Variants in PHIP observed in about 807,000 individuals in gnomAD.
PHIP encodes PHIP subunit of CUL4-Ring ligase complex.
Under a neutral mutation model 236.8 loss-of-function variants are expected in PHIP, and 54 were observed. That is an observed-to-expected ratio of 0.23 (90% CI 0.18 to 0.29). The LOEUF is 0.29. PHIP is among the 10% of genes least tolerant of loss of function. PHIP has a pLI of 1.00. For synonymous variants in PHIP, 756 were observed against 718.9 expected (o/e 1.05, Z -0.83); for missense variants, 1,370 against 2,190.8 (o/e 0.63, Z 7.48).
At chr6:78,985,755 T>C (rs939401373) in intron 21 of PHIP, among the ~76,000 whole-genome samples, 3 of 152,146 alleles carry the variant, frequency 2.0e-5, no homozygotes, top group Non-Finnish European at 4.4e-5. Context: ...AGGCACGGAA[T>C]TGCTTGAACC....
chr6:79,078,006 GCCCCGGCAGCCCC>G lies in PHIP; in HGVS notation c.40+10_40+22del. 2.5e-6 allele frequency: 4 copies of G among 1,607,698 alleles called. No homozygotes were observed. Among genetic ancestry groups the G allele is most frequent in the Non-Finnish European group, 3.4e-6 (4 of 1,178,642 alleles). On this transcript the variant is annotated intron_variant, in intron 1 of 39. Transcript: ENST00000275034. Reference sequence around the variant, plus strand: ...CGGGCGGAATCGCCCGGTGCCAGCGGCCCCGGCAGCCCCCCGACTTACCCGATCGCAGCTCCGA... The same window carrying G: ...CGGGCGGAATCGCCCGGTGCCAGCGGCCGACTTACCCGATCGCAGCTCCGA...
At chr6:79,033,902 T>A (rs952120053) in intron 7 of PHIP, among the ~76,000 whole-genome samples, 5 of 152,118 alleles carry the variant, frequency 3.3e-5, no homozygotes, top group African/African-American at 1.2e-4. Context: ...CATTGTAGGG[T>A]TATTAATTGG....
At chr6:79,017,279 T>C in intron 12 of PHIP, 67 bp downstream of exon 12, 1 of 948,672 alleles carries the variant, frequency 1.1e-6, no homozygotes, top group Non-Finnish European at 1.6e-6. Context: ...TCAAATAAAA[T>C]CTGATGACTA....
intron 31 of PHIP, among the ~76,000 whole-genome samples, chr6:78,959,931 T>A (rs1766669413): frequency 6.6e-6 from 1 of 152,118 alleles, no homozygotes; most frequent in South Asian, 2.1e-4. Context: ...TCAAATGTGC[T>A]CAGAACACTG....
chr6:79,039,512 CAATATT>C (rs1379980182), intron 7 of PHIP, among the ~76,000 whole-genome samples: 1 of 152,104 alleles, frequency 6.6e-6, no homozygotes, highest in Non-Finnish European at 1.5e-5. Context: ...CACATTATAT[CAATATT>C]GTTTGTTTAC....
At chr6:78,973,365 C>A (rs1767765421) in intron 24 of PHIP, among the ~76,000 whole-genome samples, 1 of 150,626 alleles carries the variant, frequency 6.6e-6, no homozygotes, top group Admixed American at 6.6e-5. Flanking sequence ...CCTACAAGAG[C>A]TCCTGAAGGA....
At position 79,058,855 on chromosome 6, in the gene PHIP, T is replaced by C. The variant is rs142835537; in HGVS notation, c.439+1623A>G. ...GTGTTCTCCTTATTATGTGGATCTATAGTTTTTCAAAGACAGGATAAACTT... is the reference window on the plus strand; with the variant it reads ...GTGTTCTCCTTATTATGTGGATCTACAGTTTTTCAAAGACAGGATAAACTT... On this transcript the variant is annotated intron_variant, in intron 6 of 39. Transcript: ENST00000275034. Among the ~76,000 whole-genome samples, 44 of 152,212 alleles carry C rather than the reference T, an allele frequency of 2.9e-4. No individual in the cohort carries two copies. The East Asian group carries it at 7.3e-3, about 25-fold the overall frequency.
intron 7 of PHIP, among the ~76,000 whole-genome samples, chr6:79,041,854 T>A (rs1042204232): frequency 6.6e-6 from 1 of 152,090 alleles, no homozygotes; most frequent in African/African-American, 2.4e-5. Flanking sequence ...AATGCATTCC[T>A]ACATCCTGCT....
At chr6:78,983,148 A>G in intron 22 of PHIP, 31 bp from the exon 23 acceptor site, 1 of 1,152,358 alleles carries the variant, frequency 8.7e-7, no homozygotes, top group African/African-American at 1.6e-5. Context: ...ATTAGATAAC[A>G]CACAAGATAA....
At chr6:79,022,271 G>C (rs1256898175) in intron 9 of PHIP, among the ~76,000 whole-genome samples, 1 of 152,166 alleles carries the variant, frequency 6.6e-6, no homozygotes, top group African/African-American at 2.4e-5. Flanking sequence ...AATTAAATGA[G>C]TGTGATACAT....
intron 6 of PHIP, among the ~76,000 whole-genome samples, chr6:79,046,434 T>C (rs1368011218): frequency 2.0e-5 from 3 of 152,334 alleles, no homozygotes; most frequent in African/African-American, 7.2e-5. Context: ...CAGACCTATT[T>C]AATTATTTAT....
rs1434273556 is a variant in PHIP at position 78,937,315 on chromosome 6, G to A, written c.*3378C>T. The A allele has an allele frequency of 6.6e-6, 1 of 151,618 alleles. No individual in the cohort carries two copies. Among genetic ancestry groups the A allele is most frequent in the Middle Eastern group, 3.2e-3 (1 of 316 alleles). The allele number at this position is 151,618 out of a possible 1,614,324, so 9.4% of individuals were successfully genotyped here. A position where few individuals can be genotyped will look rare whatever the true frequency, so the allele number is the denominator to read the frequency against. On this transcript the variant is annotated 3_prime_UTR_variant, in exon 40 of 40. Coordinates refer to ENST00000275034, the MANE Select transcript of PHIP (RefSeq NM_017934.7). ...GAATTGAAGTAAACATTGTTAACTG[G>A]AGAAATTAATTTATATTACAAATCA... is the stretch of plus-strand genomic sequence containing the variant.
chr6:79,063,987 T>C lies in PHIP; in HGVS notation c.190-3169A>G, dbSNP rs556176464. On this transcript the variant is annotated intron_variant, in intron 4 of 39. Transcript: ENST00000275034. ...TCCCAAGAATCCTCTTCCCCACCCC[T>C]CATTTTCTCAGCAGATGACCTAACC... Among the ~76,000 whole-genome samples, 48 of 151,516 alleles carry C rather than the reference T, an allele frequency of 3.2e-4. No individual in the cohort carries two copies. The East Asian group carries it at 9.2e-3, about 29-fold the overall frequency.
chr6:79,069,096 T>G (rs1294520311), intron 4 of PHIP, among the ~76,000 whole-genome samples: 1 of 151,282 alleles, frequency 6.6e-6, no homozygotes, highest in Non-Finnish European at 1.5e-5. Context: ...TTTATTGGAA[T>G]ATAGTTCTTA....
At chr6:79,024,895 T>C (rs1379606903) in intron 9 of PHIP, among the ~76,000 whole-genome samples, 1 of 152,208 alleles carries the variant, frequency 6.6e-6, no homozygotes, top group Non-Finnish European at 1.5e-5. Flanking sequence ...TTGCCAATTT[T>C]TAAACATAGT....
At chr6:78,996,508 C>T (rs981694488) in intron 19 of PHIP, among the ~76,000 whole-genome samples, 6 of 151,948 alleles carry the variant, frequency 3.9e-5, no homozygotes, top group Non-Finnish European at 8.8e-5. Flanking sequence ...CCTTTCAAAC[C>T]TTAACATTAG....
chr6:78,955,507 T>C, intron 33 of PHIP, 106 bp downstream of exon 33: 1 of 562,150 alleles, frequency 1.8e-6, no homozygotes, highest in Non-Finnish European at 3.2e-6. Flanking sequence ...TTAACTACAC[T>C]AGACAAAAAA....
chr6:78,968,566 C>T (rs2127703694), intron 27 of PHIP, among the ~76,000 whole-genome samples: 1 of 152,248 alleles, frequency 6.6e-6, no homozygotes, highest in East Asian at 1.9e-4. Flanking sequence ...GAAGTAATTC[C>T]CTGTGGATAC....
intron 23 of PHIP, among the ~76,000 whole-genome samples, chr6:78,981,965 C>T (rs1242198711): frequency 6.6e-6 from 1 of 151,958 alleles, no homozygotes; most frequent in Non-Finnish European, 1.5e-5. Flanking sequence ...GAAACAAGAA[C>T]TCAACAAATG....
Sources: allele counts gnomAD v4.1 joint callset (sites outside exome capture counted in the v4.1 genomes callset), GRCh38; gene constraint gnomAD v4.1.1; transcripts MANE v1.5; gene names NCBI Gene and HGNC (gene_info 2026-07-23, HGNC 2026-07-21).